The following PTPRS variants were observed in gnomAD, a reference collection of about 807,000 sequenced individuals.
PTPRS encodes the protein receptor-type tyrosine-protein phosphatase S.
A neutral mutation model predicts 215.3 loss-of-function variants in PTPRS; 63 were observed. The ratio of observed to expected loss-of-function variants is 0.29; its 90% CI spans 0.24 to 0.36. PTPRS has a LOEUF of 0.36. Among genes scored for constraint, PTPRS ranks in the 10% least tolerant of loss-of-function variants. PTPRS has a pLI of 1.00. For synonymous variants in PTPRS, 1,404 were observed against 1,191.4 expected (o/e 1.18, Z -3.68); for missense variants, 2,258 against 2,825.8 (o/e 0.80, Z 4.56).
At chr19:5,245,705 C>T in intron 10 of PTPRS, 71 bp downstream of exon 10, 2 of 1,500,600 alleles carry the variant, frequency 1.3e-6, no homozygotes, top group Non-Finnish European at 1.8e-6. Context: ...CGCTGCCTCC[C>T]ACCTGTGCCT....
chr19:5,247,370 TGGGTTCCA>T (rs2044595186), intron 9 of PTPRS, among the ~76,000 whole-genome samples: 1 of 151,772 alleles, frequency 6.6e-6, no homozygotes, highest in African/African-American at 2.4e-5. Flanking sequence ...GGAAGTCAGA[TGGGTTCCA>T]GGACAGGGGG....
In PTPRS at chr19:5,256,091, G is replaced by C; in HGVS notation, c.718+17C>G. The C allele has an allele frequency of 6.6e-7, 1 of 1,513,792 alleles. No individual in the cohort carries two copies. The highest frequency in any genetic ancestry group is 9.1e-7 in the Non-Finnish European group (1 of 1,094,526). The allele number at this position is 1,513,792 out of a possible 1,614,324, so 93.8% of individuals were successfully genotyped here. The stretch of plus-strand genomic sequence containing the variant: ...AAATGTGGGTAAAGAAAGTAAAAAA[G>C]AAAAAAACACACCAACCTTCTCGAA... On this transcript the variant is annotated intron_variant, in intron 9 of 37. Coordinates refer to ENST00000262963, the MANE Select transcript of PTPRS (RefSeq NM_002850.4).
intron 16 of PTPRS, among the ~76,000 whole-genome samples, chr19:5,228,794 G>A (rs537580533): frequency 6.6e-6 from 1 of 152,352 alleles, no homozygotes; most frequent in Admixed American, 6.5e-5. Flanking sequence ...TTGTGGGGTT[G>A]TAACCAGGCT....
At chr19:5,239,149 A>C in intron 12 of PTPRS, 86 bp from the exon 13 acceptor site, 30 of 851,688 alleles carry the variant, frequency 3.5e-5, no homozygotes, top group East Asian at 1.8e-4. Flanking sequence ...AGAGACAGAA[A>C]CAGAGGGGGG....
At position 5,210,554 on chromosome 19, in the gene PTPRS, C is replaced by T. The variant is rs770322238; in HGVS notation, c.5402G>A (p.Arg1801His). The T allele has an allele frequency of 1.9e-6, 3 of 1,614,158 alleles. No individual in the cohort carries two copies. The highest frequency in any genetic ancestry group is 1.7e-6 in the Non-Finnish European group (2 of 1,180,020). The part of the protein sequence containing the change: ...HQYWPAERSA[R>H]YQYFVVDPMA... ...CGGATCTACCACAAAGTACTGGTAG[C>T]GGGCAGAGCGCTCGGCCGGCCAGTA... The change falls in exon 35 of 38, where the codon CGC becomes CAC. Residue 1801 changes from arginine to histidine, a missense_variant. Physicochemically the swap from Arg to His is conservative, Grantham distance 29. Coordinates refer to ENST00000262963, the MANE Select transcript of PTPRS (RefSeq NM_002850.4). The surrounding 1 kb of genome is among the most constrained non-coding windows in gnomAD (Gnocchi z 4.5).
At position 5,244,214 on chromosome 19, in the gene PTPRS, G is replaced by A. The variant is rs778534650; in HGVS notation, c.1257C>T (p.Thr419=). ...GQGPPSESVV[T]RTGEQAPASA... ...TGGCCGGGGCCTGCTCGCCTGTGCG[G>A]GTGACCACGGACTCGCTGGGGGGCC... Residue 419 remains threonine (T), a synonymous_variant, in exon 11 of 38, where the codon ACC becomes ACT. Coordinates refer to ENST00000262963, the MANE Select transcript of PTPRS (RefSeq NM_002850.4). The surrounding 1 kb of genome is among the most constrained non-coding windows in gnomAD (Gnocchi z 7.2). 1.2e-6 allele frequency: 2 copies of A among 1,608,880 alleles called. No individual in the cohort carries two copies. The highest frequency in any genetic ancestry group is 1.7e-6 in the Non-Finnish European group (2 of 1,177,212).
Position 5,219,481 on chromosome 19 carries a change from AG to A in PTPRS, c.3766-15del, listed in dbSNP as rs757092180. On this transcript the variant is annotated splice_polypyrimidine_tract_variant and intron_variant, in intron 22 of 37. Coordinates refer to ENST00000262963, the MANE Select transcript of PTPRS (RefSeq NM_002850.4). ...GGCTGCAAAGGTCTGCAGGGAAAGG[AG>A]GGGGGTCTCCATCAGTGTCCACCCT... 2 of 1,553,976 alleles carry A rather than the reference AG, an allele frequency of 1.3e-6. No homozygotes were observed. Among genetic ancestry groups the A allele is most frequent in the Non-Finnish European group, 8.7e-7 (1 of 1,153,390 alleles).
intron 2 of PTPRS, among the ~76,000 whole-genome samples, chr19:5,274,788 T>C (rs949504644): frequency 1.3e-5 from 2 of 152,172 alleles, no homozygotes; most frequent in Admixed American, 6.5e-5. Flanking sequence ...CTGAAAGCAC[T>C]TGCCAGAATA....
chr19:5,314,562 T>A (rs536909444), intron 1 of PTPRS, among the ~76,000 whole-genome samples: 363 of 148,396 alleles, frequency 2.4e-3, no homozygotes, highest in South Asian at 0.011. Context: ...TAAAAAAAAA[T>A]TTTTTTTTTT....
intron 1 of PTPRS, among the ~76,000 whole-genome samples, chr19:5,292,414 GT>G: frequency 6.6e-6 from 1 of 152,182 alleles, no homozygotes; most frequent in Non-Finnish European, 1.5e-5. Flanking sequence ...GCCAGCCTGG[GT>G]TCTGCAGGAA....
At chr19:5,222,519 C>A (rs1044852373) in intron 18 of PTPRS, among the ~76,000 whole-genome samples, 170 bp downstream of exon 18, 1 of 151,740 alleles carries the variant, frequency 6.6e-6, no homozygotes, top group African/African-American at 2.4e-5. Flanking sequence ...GCCACCGAGG[C>A]ACGTCCCACC....
intron 1 of PTPRS, among the ~76,000 whole-genome samples, chr19:5,303,851 T>C (rs977973737): frequency 6.7e-6 from 1 of 148,270 alleles, no homozygotes; most frequent in Non-Finnish European, 1.5e-5. Context: ...CTCAGGAGGC[T>C]GAGACAGGAG....
intron 19 of PTPRS, 84 bp from the exon 20 acceptor site, chr19:5,221,337 T>G (rs1409303932): frequency 9.9e-6 from 15 of 1,522,248 alleles, no homozygotes; most frequent in Non-Finnish European, 1.3e-5. Flanking sequence ...TCCCCCACCC[T>G]GACTGAGCCC....
At chr19:5,296,832 G>A (rs555603590) in intron 1 of PTPRS, among the ~76,000 whole-genome samples, 2 of 152,268 alleles carry the variant, frequency 1.3e-5, no homozygotes, top group South Asian at 4.2e-4. Context: ...AGGGCTGTGG[G>A]TAGAGGAAGG....
rs569034873 is a variant in PTPRS, at chr19:5,327,884, A to T, written c.-95+12780T>A. On this transcript the variant is annotated intron_variant, in intron 1 of 37. Coordinates refer to ENST00000262963, the MANE Select transcript of PTPRS (RefSeq NM_002850.4). ...CCAAAGTATTGGGATTACAGCCATG[A>T]GTCACCATGCCCGGGTACTGGTTGA... Among the ~76,000 whole-genome samples the T allele has an allele frequency of 1.0e-3, 157 of 152,180 alleles. 1 individual carries two copies. The highest frequency in any genetic ancestry group is 3.6e-3 in the African/African-American group (151 of 41,526).
rs370088739 is a variant in PTPRS at position 5,223,021 on chromosome 19, G to A, written c.2771C>T (p.Pro924Leu). 2.0e-4 allele frequency: 315 copies of A among 1,544,942 alleles called. No individual in the cohort carries two copies. Among genetic ancestry groups the A allele is most frequent in the Non-Finnish European group, 2.5e-4 (285 of 1,147,276 alleles). ...CGGGTGGCCACGGGGCGTGTCCTCCGGGATGCTCAGGACCTCGGCTGCCTC... is the reference window on the plus strand; with the variant it reads ...CGGGTGGCCACGGGGCGTGTCCTCCAGGATGCTCAGGACCTCGGCTGCCTC... ...GEEAAEVLSI[P>L]EDTPRGHPQI... Residue 924 changes from proline (P) to leucine (L), a missense_variant, in exon 18 of 38, where the codon CCG (proline) becomes CTG (leucine). Pro to Leu is a moderately conservative substitution (Grantham distance 98, BLOSUM62 -3). This residue lies in a region of PTPRS where 361 missense variants were observed against 332.6 expected (regional missense o/e 1.09). Transcript: ENST00000262963.
chr19:5,233,688 A>G lies in PTPRS; in HGVS notation c.1850-2073T>C, dbSNP rs1026290961. 9.9e-5 allele frequency among the ~76,000 whole-genome samples: 15 copies of G among 151,212 alleles called. No homozygotes were observed. The East Asian group carries it at 3.0e-3, about 30-fold the overall frequency. On this transcript the variant is annotated intron_variant, in intron 13 of 37. Coordinates refer to ENST00000262963, the MANE Select transcript of PTPRS (RefSeq NM_002850.4). ...GCCGGGCGCAGTGGCTCACTCCTGT[A>G]ATCCCAGCACTTTGGGAGGCCGAGG...
chr19:5,246,107 G>T, intron 9 of PTPRS, 62 bp from the exon 10 acceptor site: 1 of 1,029,950 alleles, frequency 9.7e-7, no homozygotes, highest in South Asian at 2.5e-5. Flanking sequence ...GGGTGAGGTT[G>T]GGAGGGGAAG....
chr19:5,275,745 G>A (rs2047308218), intron 2 of PTPRS, among the ~76,000 whole-genome samples: 1 of 152,182 alleles, frequency 6.6e-6, no homozygotes, highest in Non-Finnish European at 1.5e-5. Flanking sequence ...GATGGAGGCT[G>A]CAGTGAGCCA....
Sources: allele counts gnomAD v4.1 joint callset (sites outside exome capture counted in the v4.1 genomes callset), GRCh38; gene constraint gnomAD v4.1.1; regional missense constraint gnomAD v4.1.1; non-coding constraint Gnocchi (gnomAD v3.1); transcripts MANE v1.5; gene names NCBI Gene and HGNC (gene_info 2026-07-23, HGNC 2026-07-21).